Variants in ARHGEF12 observed in about 807,000 individuals in gnomAD.
The protein encoded by ARHGEF12 is Rho guanine nucleotide exchange factor 12.
Under a neutral mutation model 211.2 loss-of-function variants are expected in ARHGEF12, and 66 were observed. The ratio of observed to expected loss-of-function variants is 0.31; its 90% CI spans 0.26 to 0.38. The LOEUF is 0.38. ARHGEF12 is among the 10% of genes least tolerant of loss of function. ARHGEF12 has a pLI of 1.00. For synonymous variants in ARHGEF12, 592 were observed against 638.4 expected (o/e 0.93, Z 1.09); for missense variants, 1,429 against 1,869.5 (o/e 0.76, Z 4.34).
In ARHGEF12 at chr11:120,431,930, A is replaced by T; in HGVS notation, c.924+19A>T. 1 of 1,568,528 alleles carries T rather than the reference A, an allele frequency of 6.4e-7. No individual in the cohort carries two copies. Among genetic ancestry groups the T allele is most frequent in the Non-Finnish European group, 8.6e-7 (1 of 1,159,370 alleles). ...TGCAGATGTAAGCTTTCAGTTTTCT[A>T]AATCTTTTTTCTTCTGTATTCTTCT... On this transcript the variant is annotated intron_variant, in intron 11 of 40. Transcript: ENST00000397843.
At chr11:120,398,459 A>G (rs879535838) in intron 1 of ARHGEF12, among the ~76,000 whole-genome samples, 60 of 152,232 alleles carry the variant, frequency 3.9e-4, no homozygotes, top group Non-Finnish European at 7.9e-4. Flanking sequence ...AAGCCAGTGT[A>G]AAATGGCATG....
intron 1 of ARHGEF12, among the ~76,000 whole-genome samples, chr11:120,378,862 T>C (rs1407844704): frequency 1.3e-5 from 2 of 152,234 alleles, no homozygotes; most frequent in Non-Finnish European, 2.9e-5. Flanking sequence ...TTTATTACCT[T>C]AGCTTTAAGT....
At position 120,449,102 on chromosome 11, in the gene ARHGEF12, A is replaced by T; in HGVS notation, c.1738-7A>T. ...CGTATCTCTTATTTTTTGTACTTCAACTCTAGCAAAGTATGAAGAAAGATA... is the reference window on the plus strand; with the variant it reads ...CGTATCTCTTATTTTTTGTACTTCATCTCTAGCAAAGTATGAAGAAAGATA... On this transcript the variant is annotated splice_polypyrimidine_tract_variant and splice_region_variant and intron_variant, in intron 20 of 40. Coordinates refer to ENST00000397843, the MANE Select transcript of ARHGEF12 (RefSeq NM_015313.3). The T allele has an allele frequency of 6.2e-7, 1 of 1,611,606 alleles. No individual in the cohort carries two copies. The highest frequency in any genetic ancestry group is 1.1e-5 in the South Asian group (1 of 90,826).
chr11:120,462,413 C>T (rs1256160790), intron 27 of ARHGEF12: 5 of 152,062 alleles, frequency 3.3e-5, no homozygotes, highest in East Asian at 1.9e-4. Flanking sequence ...GACAGATCAC[C>T]GTAACAGAGT....
At chr11:120,368,717 A>AT (rs1565433061) in intron 1 of ARHGEF12, among the ~76,000 whole-genome samples, 1 of 152,146 alleles carries the variant, frequency 6.6e-6, no homozygotes, top group South Asian at 2.1e-4. Context: ...GAAAGATTTT[A>AT]TTTTTTTAAT....
In ARHGEF12 at chr11:120,486,053, G is replaced by A. The variant is rs1397912641; in HGVS notation, c.*976G>A. 4.3e-5 allele frequency: 10 copies of A among 233,368 alleles called. No individual in the cohort carries two copies. The highest frequency in any genetic ancestry group is 2.4e-4 in the East Asian group (4 of 16,588). The allele number at this position is 233,368 out of a possible 1,614,324, so 14.5% of individuals were successfully genotyped here. A position where few individuals can be genotyped will look rare whatever the true frequency, so the allele number is the denominator to read the frequency against. ...AAGTAAAAACAAATGGAAATGCTTCGGATAGTGGCAGGGGTGGGGGTTGCT... is the reference window on the plus strand; with the variant it reads ...AAGTAAAAACAAATGGAAATGCTTCAGATAGTGGCAGGGGTGGGGGTTGCT... On this transcript the variant is annotated 3_prime_UTR_variant, in exon 41 of 41. Transcript: ENST00000397843.
chr11:120,480,077 G>C lies in ARHGEF12; in HGVS notation c.3884G>C (p.Ser1295Thr). 3 of 1,614,206 alleles carry C rather than the reference G, an allele frequency of 1.9e-6. No homozygotes were observed. The highest frequency in any genetic ancestry group is 2.5e-6 in the Non-Finnish European group (3 of 1,180,036). Residue 1295 changes from serine (S) to threonine (T), a missense_variant, in exon 38 of 41, where the codon AGT becomes ACT. Physicochemically the swap from Ser to Thr is moderately conservative, Grantham distance 58. This residue lies in a region of ARHGEF12 where 467 missense variants were observed against 468.4 expected (regional missense o/e 1.00). Coordinates refer to ENST00000397843, the MANE Select transcript of ARHGEF12 (RefSeq NM_015313.3). ...GCCTCTCAGGGGCCGCAGACAGACA[G>C]TGTCATCCAGAACTCTGAAAATATT... ...RTASQGPQTD[S>T]VIQNSENIKA...
In ARHGEF12 at chr11:120,421,429, G is replaced by GTTTTTT. The variant is rs1175598503; in HGVS notation, c.299-367_299-362dup. On this transcript the variant is annotated intron_variant, in intron 5 of 40. Coordinates refer to ENST00000397843, the MANE Select transcript of ARHGEF12 (RefSeq NM_015313.3). ...ATGTAAAGTCTGACTTTACAGCCTTGTTTTTTTTTTTTGTTTTTTTTTTTT... is the reference window on the plus strand; with the variant it reads ...ATGTAAAGTCTGACTTTACAGCCTTGTTTTTTTTTTTTTTTTTTGTTTTTTTTTTTT... 7.9e-4 allele frequency among the ~76,000 whole-genome samples: 63 copies of GTTTTTT among 79,876 alleles called. 14 individuals are homozygous for GTTTTTT. In the South Asian group the frequency reaches 0.014, roughly 18 times the overall value. The allele number at this position is 79,876 out of a possible 152,430, so 52.4% of individuals were successfully genotyped here.
At chr11:120,438,021 A>G (rs1045190935) in intron 12 of ARHGEF12, among the ~76,000 whole-genome samples, 1 of 152,188 alleles carries the variant, frequency 6.6e-6, no homozygotes, top group Admixed American at 6.5e-5. Flanking sequence ...TATTGTGAAT[A>G]TGCTGCCTTG....
chr11:120,444,280 A>G (rs894025267), intron 15 of ARHGEF12, among the ~76,000 whole-genome samples: 4 of 152,200 alleles, frequency 2.6e-5, no homozygotes, highest in African/African-American at 9.6e-5. Context: ...ATTTCTTAAG[A>G]GGGCACCAAG....
rs115635739 is a variant in ARHGEF12, at chr11:120,362,702, C to T, written c.32+25427C>T. 6.7e-3 allele frequency among the ~76,000 whole-genome samples: 1,020 copies of T among 152,202 alleles called. 10 individuals are homozygous for T. Among genetic ancestry groups the T allele is most frequent in the African/African-American group, 0.023 (966 of 41,498 alleles). ...CTTCTAGATTATTATGAATGTCTTTCGTTTCTTGCTCCACTCTAAGGAAAC... is the reference window on the plus strand; with the variant it reads ...CTTCTAGATTATTATGAATGTCTTTTGTTTCTTGCTCCACTCTAAGGAAAC... On this transcript the variant is annotated intron_variant, in intron 1 of 40. Transcript: ENST00000397843.
In ARHGEF12 at chr11:120,477,300, T is replaced by C. The variant is rs1947067144; in HGVS notation, c.3447T>C (p.Pro1149=). 1 of 1,613,944 alleles carries C rather than the reference T, an allele frequency of 6.2e-7. No homozygotes were observed. The highest frequency in any genetic ancestry group is 1.6e-4 in the Middle Eastern group (1 of 6,062). The change falls in exon 35 of 41, where the codon CCT becomes CCC. Residue 1149 remains proline (P), a synonymous_variant. Transcript: ENST00000397843. ...CAATTCCATTACCACAGTCAACACC[T>C]GGCGAGTGAGTGTTCCTTTGCATTG... ...TKPIPLPQST[P]GEGDNDEEDP...
At chr11:120,398,712 A>T (rs1164225780) in intron 1 of ARHGEF12, among the ~76,000 whole-genome samples, 1 of 152,226 alleles carries the variant, frequency 6.6e-6, no homozygotes, top group Non-Finnish European at 1.5e-5. Context: ...AGCATTTGTT[A>T]TAACTATAGC....
chr11:120,418,963 T>C (rs1328533449), intron 4 of ARHGEF12, among the ~76,000 whole-genome samples: 3 of 152,006 alleles, frequency 2.0e-5, no homozygotes, highest in African/African-American at 7.3e-5. Flanking sequence ...GCCTTTTCAT[T>C]TTCTTTTTCT....
chr11:120,477,457 G>A lies in ARHGEF12; in HGVS notation c.3463G>A (p.Asp1155Asn), dbSNP rs1947078451. 7.8e-7 allele frequency: 1 copy of A among 1,277,378 alleles called. No individual in the cohort carries two copies. Among genetic ancestry groups the A allele is most frequent in the East Asian group, 2.5e-5 (1 of 39,408 alleles). 79.1% of individuals were successfully genotyped at this position (1,277,378 alleles called of 1,614,324 possible). The change falls in exon 36 of 41, where the codon GAT (aspartate) becomes AAT (asparagine). Residue 1155 changes from aspartate to asparagine, a missense_variant. This residue lies in a region of ARHGEF12 where 467 missense variants were observed against 468.4 expected (regional missense o/e 1.00). Transcript: ENST00000397843. ...TTTTTTTCTCTACAGAGGAGATAAT[G>A]ATGAAGAAGATCCTTCAAAATTAAA... ...PQSTPGEGDNDEEDPSKLKEE... is the reference protein window; with the variant it reads ...PQSTPGEGDNNEEDPSKLKEE...
intron 15 of ARHGEF12, among the ~76,000 whole-genome samples, chr11:120,444,040 TC>T (rs1813555446): frequency 6.6e-6 from 1 of 152,144 alleles, no homozygotes; most frequent in African/African-American, 2.4e-5. Flanking sequence ...ATTCCTACTC[TC>T]CTACCCTGAA....
intron 37 of ARHGEF12, 32 bp from the exon 38 acceptor site, chr11:120,479,928 T>G: frequency 4.5e-6 from 7 of 1,562,826 alleles, no homozygotes; most frequent in Non-Finnish European, 6.1e-6. Flanking sequence ...TGTGAATATG[T>G]TTTTTTTCCC....
intron 36 of ARHGEF12, 151 bp from the exon 37 acceptor site, chr11:120,478,005 C>G: frequency 1.6e-6 from 1 of 622,928 alleles, no homozygotes; most frequent in Non-Finnish European, 2.8e-6. Flanking sequence ...GTCAGTATAA[C>G]ACTGTTCTAA....
Position 120,416,259 on chromosome 11 carries a change from C to T in ARHGEF12, c.200-4494C>T, listed in dbSNP as rs188747202. Among the ~76,000 whole-genome samples, 123 of 152,224 alleles carry T rather than the reference C, an allele frequency of 8.1e-4. 2 individuals are homozygous for T. In the East Asian group the frequency reaches 0.015, roughly 19 times the overall value. On this transcript the variant is annotated intron_variant, in intron 4 of 40. Coordinates refer to ENST00000397843, the MANE Select transcript of ARHGEF12 (RefSeq NM_015313.3). ...TCTACTTGTCTGAATTTCATTAATT[C>T]ATAAGCAATTTTTTTAAGTTTCCTT...
Sources: gnomAD v4.1 joint callset for allele counts (sites outside exome capture counted in the v4.1 genomes callset) on GRCh38, gnomAD v4.1.1 for gene constraint, gnomAD v4.1.1 regional missense constraint, MANE v1.5 for transcripts, NCBI Gene and HGNC (gene_info 2026-07-23, HGNC 2026-07-21) for gene names.